Variants in MAP3K13 observed in about 807,000 individuals in gnomAD.
MAP3K13 encodes the protein mitogen-activated protein kinase kinase kinase 13.
In MAP3K13, 52 loss-of-function variants were observed where a neutral mutation model predicts 104.0. The observed-to-expected ratio is 0.50, with a 90% CI of 0.40 to 0.63. The LOEUF (loss-of-function observed/expected upper bound fraction) is 0.63, where lower values mean the gene tolerates loss of function less well. MAP3K13 is among the 20% of genes least tolerant of loss of function. The probability of loss-of-function intolerance (pLI) is 0.00; values close to 1 mark genes in which losing one functional copy is unlikely to be tolerated. For synonymous variants in MAP3K13, 394 were observed against 442.2 expected, an observed-to-expected ratio of 0.89 and a Z score of 1.37; for missense variants, 914 against 1,218.5, an observed-to-expected ratio of 0.75 and a Z score of 3.72.
chr3:185,386,645 C>T (rs1442118137), intron 1 of MAP3K13, among the ~76,000 whole-genome samples: 1 of 152,200 alleles, frequency 6.6e-6, no homozygotes, highest in Non-Finnish European at 1.5e-5. Context: ...GACAGGGAGT[C>T]AACCTAAATG....
At chr3:185,382,108 C>A (rs1237311379) in intron 1 of MAP3K13, among the ~76,000 whole-genome samples, 1 of 152,156 alleles carries the variant, frequency 6.6e-6, no homozygotes, top group African/African-American at 2.4e-5. Context: ...CAGTAGATAC[C>A]TGAAACTGCA....
Position 185,480,338 on chromosome 3 carries a change from C to A in MAP3K13, c.2608C>A (p.Pro870Thr), listed in dbSNP as rs1718372498. 1.9e-6 allele frequency: 3 copies of A among 1,614,064 alleles called. No individual in the cohort carries two copies. The South Asian group carries it at 3.3e-5, about 18-fold the overall frequency. Reference sequence around the variant, plus strand: ...AAATACCAGTGACCACTCAAACAGTCCTGATGAGTTAGCTGATAAACTTGA... The same window carrying A: ...AAATACCAGTGACCACTCAAACAGTACTGATGAGTTAGCTGATAAACTTGA... ...EGNTSDHSNS[P>T]DELADKLEDR... Residue 870 changes from proline (P) to threonine (T), a missense_variant, in exon 13 of 14, where the codon CCT (proline) becomes ACT (threonine). Pro to Thr is a conservative substitution (Grantham distance 38). Transcript: ENST00000265026.
At chr3:185,472,823 C>G (rs1227558060) in intron 10 of MAP3K13, 152 bp from the exon 11 acceptor site, 1 of 738,536 alleles carries the variant, frequency 1.4e-6, no homozygotes, top group Non-Finnish European at 2.2e-6. Context: ...CTTCCATGAA[C>G]ATTTTGAAGA....
intron 2 of MAP3K13, among the ~76,000 whole-genome samples, chr3:185,326,727 T>C (rs1577427034): frequency 1.3e-5 from 2 of 150,404 alleles, no homozygotes; most frequent in Admixed American, 6.6e-5. Flanking sequence ...AAAAAAAAAA[T>C]GAGGGTACAG....
At chr3:185,371,567 A>G (rs1015713051) in intron 1 of MAP3K13, among the ~76,000 whole-genome samples, 2 of 152,252 alleles carry the variant, frequency 1.3e-5, no homozygotes, top group African/African-American at 4.8e-5. Flanking sequence ...TTCTGAGGAC[A>G]TTTTAGTGAA....
chr3:185,434,985 TTTTG>T lies in MAP3K13; in HGVS notation c.476-2443_476-2440del, dbSNP rs376998066. Among the ~76,000 whole-genome samples the T allele has an allele frequency of 4.6e-3, 706 of 151,884 alleles. 4 individuals are homozygous for T. The highest frequency in any genetic ancestry group is 0.013 in the African/African-American group (533 of 41,372). ...GACACTGAGGTTTTTTTATTTTTGT[TTTTG>T]TTTGTTTGTTTGTTTGTTGTTGTTG... On this transcript the variant is annotated intron_variant, in intron 2 of 13. Coordinates refer to ENST00000265026, the MANE Select transcript of MAP3K13 (RefSeq NM_004721.5).
chr3:185,330,046 A>ATTTTTTT (rs548813356), intron 2 of MAP3K13, among the ~76,000 whole-genome samples: 13 of 98,270 alleles, frequency 1.3e-4, no homozygotes, highest in Admixed American at 8.5e-4. Flanking sequence ...TGCCTGGCTA[A>ATTTTTTT]TTTTTTTTTT....
chr3:185,327,741 G>A lies in MAP3K13; in HGVS notation c.-86+42098G>A, dbSNP rs537140528. On this transcript the variant is annotated intron_variant, in intron 2 of 14. Coordinates refer to the MAP3K13 transcript ENST00000424227. Reference sequence around the variant, plus strand: ...AGCCTGGTCAACATGGTGAAACCCCGTCTTTACTAAAAGTACAAAAATTAG... The same window carrying A: ...AGCCTGGTCAACATGGTGAAACCCCATCTTTACTAAAAGTACAAAAATTAG... Among the ~76,000 whole-genome samples, 103 of 152,178 alleles carry A rather than the reference G, an allele frequency of 6.8e-4. No homozygotes were observed. The Middle Eastern group carries it at 0.01, about 15-fold the overall frequency.
intron 2 of MAP3K13, among the ~76,000 whole-genome samples, chr3:185,294,696 G>T (rs562346181): frequency 6.6e-6 from 1 of 152,246 alleles, no homozygotes; most frequent in East Asian, 1.9e-4. Flanking sequence ...ACATTTTGTT[G>T]TTCCTTCTTC....
intron 2 of MAP3K13, among the ~76,000 whole-genome samples, chr3:185,316,959 C>T (rs530827958): frequency 6.6e-6 from 1 of 152,192 alleles, no homozygotes; most frequent in South Asian, 2.1e-4. Context: ...TGTTAAAAGA[C>T]TTGTAATATT....
chr3:185,454,997 GAT>G (rs1169408751), intron 7 of MAP3K13, among the ~76,000 whole-genome samples: 2 of 27,702 alleles, frequency 7.2e-5, no homozygotes, highest in African/African-American at 8.9e-5. Context: ...AGATATATAT[GAT>G]ATATATGAGA....
rs571357921 is a variant in MAP3K13, at chr3:185,431,179, A to C, written c.475+2123A>C. Among the ~76,000 whole-genome samples the C allele has an allele frequency of 7.9e-5, 12 of 152,302 alleles. No individual in the cohort carries two copies. The East Asian group carries it at 2.3e-3, about 29-fold the overall frequency. On this transcript the variant is annotated intron_variant, in intron 2 of 13. Transcript: ENST00000265026. ...CCTCCCCTGACTCGTGGGAATTACA[A>C]TTCGAGATGAGATTTGGGTGGGAAC...
rs550874308 is a variant in MAP3K13, at chr3:185,363,139, A to T, written c.-315A>T. 1.0e-6 allele frequency: 1 copy of T among 983,928 alleles called. No individual in the cohort carries two copies. Among genetic ancestry groups the T allele is most frequent in the East Asian group, 1.1e-4 (1 of 8,750 alleles). 60.9% of individuals were successfully genotyped at this position (983,928 alleles called of 1,614,324 possible). On this transcript the variant is annotated 5_prime_UTR_variant, in exon 1 of 14. Coordinates refer to ENST00000265026, the MANE Select transcript of MAP3K13 (RefSeq NM_004721.5). Reference sequence around the variant, plus strand: ...ACCCGCCCCTCTTTTTTTTTTCATGACACACACCACAGCGAAGTCTGTGCG... The same window carrying T: ...ACCCGCCCCTCTTTTTTTTTTCATGTCACACACCACAGCGAAGTCTGTGCG...
chr3:185,437,813 C>G (rs1715124727), intron 3 of MAP3K13, among the ~76,000 whole-genome samples, 183 bp downstream of exon 3: 1 of 152,040 alleles, frequency 6.6e-6, no homozygotes, highest in East Asian at 1.9e-4. Context: ...ATCTTATAAT[C>G]CAGTGGTTCA....
intron 1 of MAP3K13, among the ~76,000 whole-genome samples, chr3:185,373,417 G>A (rs1488877159): frequency 6.6e-6 from 1 of 152,146 alleles, no homozygotes; most frequent in East Asian, 1.9e-4. Context: ...TGAGGCGGGT[G>A]GTTCACTTGA....
At chr3:185,339,444 G>A (rs934023965) in intron 2 of MAP3K13, among the ~76,000 whole-genome samples, 7 of 152,242 alleles carry the variant, frequency 4.6e-5, no homozygotes, top group Non-Finnish European at 8.8e-5. Context: ...CTGGGATCTT[G>A]TTAGAGATGA....
chr3:185,306,151 A>C (rs1347030792), intron 2 of MAP3K13, among the ~76,000 whole-genome samples: 1 of 152,236 alleles, frequency 6.6e-6, no homozygotes, highest in Non-Finnish European at 1.5e-5. Flanking sequence ...CATGGTATAC[A>C]TATATCAAAT....
chr3:185,417,850 T>C, intron 1 of MAP3K13: 1 of 1,606,968 alleles, frequency 6.2e-7, no homozygotes, highest in Non-Finnish European at 8.5e-7. Flanking sequence ...GACTCTGCGA[T>C]GAATCTTCTT....
chr3:185,381,614 A>G (rs1413592125), intron 1 of MAP3K13, among the ~76,000 whole-genome samples: 1 of 152,056 alleles, frequency 6.6e-6, no homozygotes, highest in African/African-American at 2.4e-5. Flanking sequence ...TGTTTTTTGC[A>G]TTTTTGTTGG....
Sources: allele counts gnomAD v4.1 joint callset (sites outside exome capture counted in the v4.1 genomes callset), GRCh38; gene constraint gnomAD v4.1.1; transcripts MANE v1.5; gene names NCBI Gene and HGNC (gene_info 2026-07-23, HGNC 2026-07-21).